RIPK1: variants seen among roughly 807,000 people sequenced by gnomAD.
The protein encoded by RIPK1 is receptor interacting serine/threonine kinase 1, also known as receptor-interacting serine/threonine-protein kinase 1.
RIPK1 carries 27 observed loss-of-function variants against 62.4 expected under a neutral mutation model. The observed-to-expected ratio is 0.43, with a 90% CI of 0.32 to 0.60. The LOEUF is 0.60. RIPK1 is among the 20% of genes least tolerant of loss of function. The pLI, the probability that RIPK1 is intolerant of heterozygous loss-of-function variation, is 0.07. For synonymous variants in RIPK1, 287 were observed against 303.2 expected (o/e 0.95, Z 0.55); for missense variants, 735 against 831.0 (o/e 0.88, Z 1.42).
At chr6:3,085,629 A>G (rs371724870) in intron 6 of RIPK1, among the ~76,000 whole-genome samples, 28 of 152,272 alleles carry the variant, frequency 1.8e-4, no homozygotes, top group African/African-American at 6.7e-4. Context: ...CTTTTTTTGT[A>G]ATTAACTTTT....
At chr6:3,104,172 G>T in intron 7 of RIPK1, 53 bp from the exon 8 acceptor site, 11 of 735,916 alleles carry the variant, frequency 1.5e-5, no homozygotes, top group South Asian at 3.6e-5. Context: ...AAATTTTCTG[G>T]GACTCTATTT....
Position 3,113,415 on chromosome 6 carries a change from A to G in RIPK1, c.*76A>G. On this transcript the variant is annotated 3_prime_UTR_variant, in exon 11 of 11. Coordinates refer to ENST00000259808, the MANE Select transcript of RIPK1 (RefSeq NM_001354930.2). This position sits in a 1 kb window ranked among gnomAD's most constrained non-coding sequence, Gnocchi z 5.0. ...CCCAGAAAGTTGGCTGCCTCAGAGC[A>G]TTCAGAATTCTGTCCTCACTGATAG... 2.1e-6 allele frequency: 3 copies of G among 1,413,858 alleles called. No individual in the cohort carries two copies. The highest frequency in any genetic ancestry group is 1.9e-6 in the Non-Finnish European group (2 of 1,038,952). 87.6% of individuals were successfully genotyped at this position (1,413,858 alleles called of 1,614,324 possible).
chr6:3,105,865 C>A lies in RIPK1; in HGVS notation c.1390C>A (p.Gln464Lys). The change falls in exon 9 of 11, where the codon CAG becomes AAG. Residue 464 changes from glutamine (Q) to lysine (K), a missense_variant. Gln to Lys is a moderately conservative substitution (Grantham distance 53, BLOSUM62 1). Coordinates refer to ENST00000259808, the MANE Select transcript of RIPK1 (RefSeq NM_001354930.2). This position sits in a 1 kb window ranked among gnomAD's most constrained non-coding sequence, Gnocchi z 4.5. ...CACCAGCCAACCTCAAGTACTGTATCAGAACAATGGATTATATAGCTCACA... is the reference window on the plus strand; with the variant it reads ...CACCAGCCAACCTCAAGTACTGTATAAGAACAATGGATTATATAGCTCACA... ...GLTSQPQVLY[Q>K]NNGLYSSHGF... The A allele has an allele frequency of 6.2e-7, 1 of 1,614,152 alleles. No homozygotes were observed. The highest frequency in any genetic ancestry group is 8.5e-7 in the Non-Finnish European group (1 of 1,180,020).
At chr6:3,096,332 TTAA>T (rs1433412762) in intron 7 of RIPK1, among the ~76,000 whole-genome samples, 5 of 152,130 alleles carry the variant, frequency 3.3e-5, no homozygotes, top group African/African-American at 1.2e-4. Flanking sequence ...ATCTTTTAAA[TTAA>T]TAATAGTTTA....
chr6:3,081,175 T>C, intron 4 of RIPK1, 59 bp downstream of exon 4: 2 of 1,578,300 alleles, frequency 1.3e-6, no homozygotes, highest in East Asian at 2.2e-5. Context: ...AATTCTCCAA[T>C]GTAAATCCAT....
chr6:3,069,627 A>T (rs1758590128), intron 1 of RIPK1, among the ~76,000 whole-genome samples: 1 of 152,200 alleles, frequency 6.6e-6, no homozygotes, highest in Non-Finnish European at 1.5e-5. Flanking sequence ...CAGGAAGTGA[A>T]CTTTGAAATG....
intron 1 of RIPK1, among the ~76,000 whole-genome samples, chr6:3,073,250 AT>A (rs1554113079): frequency 2.3e-4 from 13 of 57,140 alleles, no homozygotes; most frequent in African/African-American, 8.8e-4. Flanking sequence ...TATATCATAT[AT>A]TATATATTAC....
At chr6:3,106,331 C>T (rs1760849850) in intron 9 of RIPK1, among the ~76,000 whole-genome samples, 2 of 152,192 alleles carry the variant, frequency 1.3e-5, no homozygotes, top group Admixed American at 1.3e-4. Context: ...CATAGTAGTC[C>T]TATTTCACCC....
At position 3,083,329 on chromosome 6, in the gene RIPK1, C is replaced by T. The variant is rs369145840; in HGVS notation, c.688+16C>T. ...CCATATGAAAGTAAGGCATTACTTA[C>T]TTTCCACTGCCGTCCCCTCAGCATC... On this transcript the variant is annotated intron_variant, in intron 5 of 10. Transcript: ENST00000259808. The T allele has an allele frequency of 9.5e-5, 151 of 1,593,276 alleles. 1 individual carries two copies. The South Asian group carries it at 1.4e-3, about 15-fold the overall frequency.
upstream of RIPK1, among the ~76,000 whole-genome samples, chr6:3,067,376 C>A (rs543407971): frequency 5.9e-5 from 9 of 152,216 alleles, no homozygotes; most frequent in South Asian, 6.2e-4. Context: ...ATGGGAGTTC[C>A]TTGTGCTCCA....
At chr6:3,098,156 TACTGAATGAG>T (rs11278115) in intron 7 of RIPK1, among the ~76,000 whole-genome samples, 22,177 of 152,132 alleles carry the variant, frequency 0.15, 4,178 homozygotes, top group African/African-American at 0.44. Context: ...CAGCCTGGGT[TACTGAATGAG>T]ACCCCATCTC....
At chr6:3,073,247 TATA>T (rs1000305249) in intron 1 of RIPK1, among the ~76,000 whole-genome samples, 12 of 64,262 alleles carry the variant, frequency 1.9e-4, no homozygotes, top group African/African-American at 5.9e-4. Flanking sequence ...TTTTATATCA[TATA>T]TTATATATTA....
Position 3,113,151 on chromosome 6 carries a change from T to A in RIPK1, c.1828T>A (p.Ser610Thr). Residue 610 changes from serine to threonine, a missense_variant, in exon 11 of 11, where the codon TCT becomes ACT. Transcript: ENST00000259808. This position sits in a 1 kb window ranked among gnomAD's most constrained non-coding sequence, Gnocchi z 5.0. ...NCARKLGFTQ[S>T]QIDEIDHDYE... ...TGCCCGTAAACTGGGCTTCACACAG[T>A]CTCAGATTGATGAAATTGACCATGA... is the stretch of plus-strand genomic sequence containing the variant. 1 of 1,613,920 alleles carries A rather than the reference T, an allele frequency of 6.2e-7. No homozygotes were observed. The highest frequency in any genetic ancestry group is 1.7e-5 in the Admixed American group (1 of 59,994).
chr6:3,090,023 T>C (rs1759945641), intron 7 of RIPK1, among the ~76,000 whole-genome samples: 1 of 152,176 alleles, frequency 6.6e-6, no homozygotes, highest in African/African-American at 2.4e-5. Context: ...GCCCAAGACA[T>C]AATGCTGAGG....
chr6:3,109,175 T>C (rs1761027379), intron 9 of RIPK1, among the ~76,000 whole-genome samples: 1 of 152,128 alleles, frequency 6.6e-6, no homozygotes, highest in Non-Finnish European at 1.5e-5. Context: ...ACTCACATTC[T>C]AGTGGAGAAG....
At chr6:3,071,113 A>T (rs1346914430) in intron 1 of RIPK1, among the ~76,000 whole-genome samples, 1 of 152,196 alleles carries the variant, frequency 6.6e-6, no homozygotes, top group Non-Finnish European at 1.5e-5. Context: ...TATCCAGGCA[A>T]AGCATCAGGC....
chr6:3,086,400 G>A (rs1759693519), intron 6 of RIPK1, among the ~76,000 whole-genome samples: 1 of 152,206 alleles, frequency 6.6e-6, no homozygotes, highest in African/African-American at 2.4e-5. Context: ...GCCATTTTAT[G>A]TTCGGTGTCC....
intron 6 of RIPK1, chr6:3,088,774 A>G (rs1033375461): frequency 6.6e-6 from 1 of 152,304 alleles, no homozygotes; most frequent in Non-Finnish European, 1.5e-5. Flanking sequence ...AAGATCAGAC[A>G]AGTTTGGGCA....
At chr6:3,074,959 C>T (rs1206920694) in intron 1 of RIPK1, among the ~76,000 whole-genome samples, 7 of 152,144 alleles carry the variant, frequency 4.6e-5, no homozygotes, top group Non-Finnish European at 8.8e-5. Context: ...GGATTACAGA[C>T]GTGAGCCACG....
Sources: gnomAD v4.1 joint callset for allele counts (sites outside exome capture counted in the v4.1 genomes callset) on GRCh38, gnomAD v4.1.1 for gene constraint, Gnocchi (gnomAD v3.1) non-coding constraint, MANE v1.5 for transcripts, NCBI Gene and HGNC (gene_info 2026-07-23, HGNC 2026-07-21) for gene names.